Variants in CDH11 observed in about 807,000 individuals in gnomAD.
The protein encoded by CDH11 is cadherin-11.
In CDH11, 11 loss-of-function variants were observed where a neutral mutation model predicts 67.8. The ratio of observed to expected loss-of-function variants is 0.16; its 90% CI spans 0.10 to 0.27. The LOEUF (loss-of-function observed/expected upper bound fraction) is 0.27, where lower values mean the gene tolerates loss of function less well. Among genes scored for constraint, CDH11 ranks in the 10% least tolerant of loss-of-function variants. The pLI, the probability that CDH11 is intolerant of heterozygous loss-of-function variation, is 1.00. For synonymous variants in CDH11, 419 were observed against 400.0 expected (o/e 1.05, Z -0.57); for missense variants, 847 against 1,031.2 (o/e 0.82, Z 2.45).
intron 2 of CDH11, among the ~76,000 whole-genome samples, chr16:65,039,834 A>C (rs1007167013): frequency 6.6e-6 from 1 of 152,208 alleles, no homozygotes; most frequent in Non-Finnish European, 1.5e-5. Context: ...TAATATCCAG[A>C]ATCTACAATG....
chr16:64,966,665 T>C (rs538592308), intron 11 of CDH11, among the ~76,000 whole-genome samples: 17 of 150,204 alleles, frequency 1.1e-4, no homozygotes, highest in African/African-American at 4.1e-4. Context: ...GAAAAAGATA[T>C]ATAAGAAAGA....
chr16:64,967,452 T>G (rs2071869219), intron 11 of CDH11, among the ~76,000 whole-genome samples: 1 of 152,186 alleles, frequency 6.6e-6, no homozygotes, highest in African/African-American at 2.4e-5. Flanking sequence ...ACTCCTGAGC[T>G]CAGGCAATCC....
At chr16:65,087,793 G>C (rs1202506310) in intron 1 of CDH11, among the ~76,000 whole-genome samples, 1 of 152,082 alleles carries the variant, frequency 6.6e-6, no homozygotes, top group Non-Finnish European at 1.5e-5. Flanking sequence ...CACATGTGTG[G>C]GCATCCTGTG....
intron 1 of CDH11, among the ~76,000 whole-genome samples, chr16:65,099,369 A>G (rs993375457): frequency 6.6e-6 from 1 of 152,156 alleles, no homozygotes; most frequent in African/African-American, 2.4e-5. Context: ...CCTTGTCTCA[A>G]GTGCACTGTC....
At chr16:64,951,399 A>C (rs1271973875) in intron 11 of CDH11, among the ~76,000 whole-genome samples, 4 of 152,062 alleles carry the variant, frequency 2.6e-5, no homozygotes, top group Non-Finnish European at 4.4e-5. Context: ...TGTTGCTCAC[A>C]TGACCCAGCG....
intron 11 of CDH11, among the ~76,000 whole-genome samples, chr16:64,959,009 A>T (rs963553880): frequency 1.3e-5 from 2 of 152,188 alleles, no homozygotes; most frequent in Non-Finnish European, 2.9e-5. Context: ...GGAATAAAAG[A>T]TATGCTACAA....
intron 1 of CDH11, among the ~76,000 whole-genome samples, chr16:65,113,599 C>T (rs1285073724): frequency 6.6e-6 from 1 of 152,060 alleles, no homozygotes; most frequent in African/African-American, 2.4e-5. Flanking sequence ...ATTTAAGATG[C>T]CACGTGGTAA....
At chr16:65,041,681 G>A (rs1481160959) in intron 2 of CDH11, among the ~76,000 whole-genome samples, 1 of 152,200 alleles carries the variant, frequency 6.6e-6, no homozygotes, top group African/African-American at 2.4e-5. Context: ...ACCTACTCAA[G>A]CATTTTAAGC....
At chr16:64,993,066 C>G in intron 4 of CDH11, 32 bp from the exon 5 acceptor site, 1 of 1,577,268 alleles carries the variant, frequency 6.3e-7, no homozygotes, top group Non-Finnish European at 8.7e-7. Context: ...TTAGCAACAT[C>G]TCCTCAGATT....
chr16:65,000,046 G>A (rs868433267), intron 3 of CDH11, among the ~76,000 whole-genome samples: 1 of 152,138 alleles, frequency 6.6e-6, no homozygotes, highest in African/African-American at 2.4e-5. Context: ...TAGTGGCATG[G>A]GTTGATATGT....
chr16:65,064,439 G>A (rs914065743), intron 1 of CDH11, among the ~76,000 whole-genome samples: 11 of 152,184 alleles, frequency 7.2e-5, no homozygotes, highest in African/African-American at 2.7e-4. Flanking sequence ...AATACCATCA[G>A]GGTTCTGTTA....
At chr16:64,994,065 G>A (rs2072703660) in intron 4 of CDH11, among the ~76,000 whole-genome samples, 1 of 152,206 alleles carries the variant, frequency 6.6e-6, no homozygotes, top group East Asian at 1.9e-4. Flanking sequence ...TTTCAGCAGA[G>A]GGGCAAGGTT....
chr16:65,089,634 G>A (rs1487801726), intron 1 of CDH11, among the ~76,000 whole-genome samples: 1 of 152,020 alleles, frequency 6.6e-6, no homozygotes, highest in Non-Finnish European at 1.5e-5. Flanking sequence ...CCAGTTCTAT[G>A]TATTAATTAT....
chr16:65,084,224 C>T (rs1156956494), intron 1 of CDH11, among the ~76,000 whole-genome samples: 1 of 152,144 alleles, frequency 6.6e-6, no homozygotes, highest in African/African-American at 2.4e-5. Flanking sequence ...TGTGATGGCT[C>T]ACATCTCTAA....
At position 64,946,220 on chromosome 16, in the gene CDH11, A is replaced by C; in HGVS notation, c.*1383T>G. On this transcript the variant is annotated 3_prime_UTR_variant, in exon 13 of 13. Coordinates refer to ENST00000268603, the MANE Select transcript of CDH11 (RefSeq NM_001797.4). ...TCATTTTACAATTAGTTAAAATTAC[A>C]GGAGGAAAAATAAGCAGTTTCAACT... is the stretch of plus-strand genomic sequence containing the variant. The C allele has an allele frequency of 9.5e-7, 1 of 1,049,978 alleles. No individual in the cohort carries two copies. Among genetic ancestry groups the C allele is most frequent in the Non-Finnish European group, 1.1e-6 (1 of 869,618 alleles). 65.0% of individuals were successfully genotyped at this position (1,049,978 alleles called of 1,614,324 possible).
At chr16:65,109,006 G>T (rs1486711131) in intron 1 of CDH11, among the ~76,000 whole-genome samples, 1 of 152,134 alleles carries the variant, frequency 6.6e-6, no homozygotes, top group Non-Finnish European at 1.5e-5. Context: ...AATTAGCTGG[G>T]TGTGGTGGTG....
In CDH11 at chr16:64,950,921, C is replaced by G; in HGVS notation, c.1740G>C (p.Pro580=). ...TGAGGGTGTTGGTGCTACTCATGGG[C>G]GGGATGCCGCCATCGCTGATCACTA... The part of the protein sequence containing the change: ...LPIVISDGGI[P]PMSSTNTLTI... The change falls in exon 12 of 13, where the codon CCG becomes CCC. Residue 580 remains proline, a synonymous_variant. Coordinates refer to ENST00000268603, the MANE Select transcript of CDH11 (RefSeq NM_001797.4). 1 of 1,614,204 alleles carries G rather than the reference C, an allele frequency of 6.2e-7. No homozygotes were observed. The highest frequency in any genetic ancestry group is 8.5e-7 in the Non-Finnish European group (1 of 1,180,038).
At chr16:65,065,270 G>A (rs568569392) in intron 1 of CDH11, among the ~76,000 whole-genome samples, 2 of 152,252 alleles carry the variant, frequency 1.3e-5, no homozygotes, top group East Asian at 1.9e-4. Context: ...GACGCATGCC[G>A]TGCATTTTAC....
intron 11 of CDH11, among the ~76,000 whole-genome samples, chr16:64,956,568 G>GTTCT (rs2071518059): frequency 6.6e-6 from 1 of 152,178 alleles, no homozygotes; most frequent in Non-Finnish European, 1.5e-5. Flanking sequence ...TGACACCAGT[G>GTTCT]TTCTCATCCT....
Sources: gnomAD v4.1 joint callset for allele counts (sites outside exome capture counted in the v4.1 genomes callset) on GRCh38, gnomAD v4.1.1 for gene constraint, MANE v1.5 for transcripts, NCBI Gene and HGNC (gene_info 2026-07-23, HGNC 2026-07-21) for gene names.